The following FSTL4 variants were observed in gnomAD, a reference collection of about 807,000 sequenced individuals.
FSTL4 encodes follistatin like 4.
In FSTL4, 28 loss-of-function variants were observed where a neutral mutation model predicts 78.2. That is an observed-to-expected ratio of 0.36 (90% CI 0.27 to 0.49). The LOEUF is 0.49. Among genes scored for constraint, FSTL4 ranks in the 20% least tolerant of loss-of-function variants. The probability of loss-of-function intolerance (pLI) is 0.98; values close to 1 mark genes in which losing one functional copy is unlikely to be tolerated. For missense variants in FSTL4, 922 were observed against 1,084.9 expected, an observed-to-expected ratio of 0.85 and a Z score of 2.11; for synonymous variants, 422 against 440.5, an observed-to-expected ratio of 0.96 and a Z score of 0.53.
At chr5:133,229,370 A>G (rs1322350051) in intron 8 of FSTL4, among the ~76,000 whole-genome samples, 2 of 152,046 alleles carry the variant, frequency 1.3e-5, no homozygotes, top group African/African-American at 4.8e-5. Flanking sequence ...AAAAATACAA[A>G]AAATTAGCCA....
chr5:133,216,973 A>T (rs1360241265), intron 13 of FSTL4, among the ~76,000 whole-genome samples: 1 of 152,140 alleles, frequency 6.6e-6, no homozygotes, highest in African/African-American at 2.4e-5. Context: ...CATAGTCCTT[A>T]TTACTTATAG....
chr5:133,717,609 T>C, the FSTL4 span, among the ~76,000 whole-genome samples: 1 of 152,212 alleles, frequency 6.6e-6, no homozygotes, highest in Non-Finnish European at 1.5e-5. Context: ...CAAACAATAA[T>C]CTGCTTTCTG....
intron 3 of FSTL4, among the ~76,000 whole-genome samples, chr5:133,449,227 C>A (rs73280180): frequency 0.031 from 4,729 of 152,254 alleles, 245 homozygotes; most frequent in African/African-American, 0.11. Flanking sequence ...CCCCTTCGCG[C>A]CTCACCTTGA....
chr5:133,400,359 A>G lies in FSTL4; in HGVS notation c.409+379T>C, dbSNP rs115755340. ...CCTGACCACATTCTATGCACAGCAC[A>G]GCCTCCTGATTCATGGGACTCTGTG... On this transcript the variant is annotated intron_variant, in intron 4 of 15. Transcript: ENST00000265342. 3.8e-3 allele frequency among the ~76,000 whole-genome samples: 574 copies of G among 152,290 alleles called. 1 individual carries two copies. The highest frequency in any genetic ancestry group is 6.1e-3 in the Non-Finnish European group (414 of 68,028).
chr5:133,706,014 G>A, the FSTL4 span, among the ~76,000 whole-genome samples: 2 of 152,158 alleles, frequency 1.3e-5, no homozygotes, highest in Non-Finnish European at 1.5e-5. Context: ...ACAATACATG[G>A]GCTGAGTGCA....
chr5:133,445,780 G>A (rs906965127), intron 3 of FSTL4, among the ~76,000 whole-genome samples: 4 of 152,074 alleles, frequency 2.6e-5, no homozygotes, highest in Admixed American at 6.5e-5. Flanking sequence ...ATTTAACAGA[G>A]AGAAATTCTT....
At position 133,554,207 on chromosome 5, in the gene FSTL4, C is replaced by T. The variant is rs139607677; in HGVS notation, c.160+12979G>A. Among the ~76,000 whole-genome samples, 794 of 152,256 alleles carry T rather than the reference C, an allele frequency of 5.2e-3. 9 individuals are homozygous for T. Among genetic ancestry groups the T allele is most frequent in the African/African-American group, 0.017 (710 of 41,554 alleles). ...GGCTGCTTGGTGGACAGAGTGCAGT[C>T]GTGAAGACTGGCTACGCAGCTGACC... On this transcript the variant is annotated intron_variant, in intron 3 of 15. Transcript: ENST00000265342.
intron 3 of FSTL4, among the ~76,000 whole-genome samples, chr5:133,456,380 T>C (rs925004229): frequency 6.6e-6 from 1 of 152,262 alleles, no homozygotes. Flanking sequence ...CTTTTTGCTT[T>C]AGCTTTGATG....
upstream of FSTL4, among the ~76,000 whole-genome samples, chr5:133,615,066 G>A (rs1761174046): frequency 6.6e-6 from 1 of 152,170 alleles, no homozygotes; most frequent in Non-Finnish European, 1.5e-5. Flanking sequence ...CTGCATATCA[G>A]GATACTCAGA....
At chr5:133,395,498 C>T (rs546013810) in intron 4 of FSTL4, among the ~76,000 whole-genome samples, 41 of 152,326 alleles carry the variant, frequency 2.7e-4, no homozygotes, top group African/African-American at 8.9e-4. Flanking sequence ...ACTCACCGCG[C>T]GGGTCCGCGG....
intron 6 of FSTL4, among the ~76,000 whole-genome samples, chr5:133,277,312 C>CA (rs11403305): frequency 0.29 from 42,019 of 142,966 alleles, 7,254 homozygotes; most frequent in East Asian, 0.58. Context: ...GACTCGGTCT[C>CA]AAAAAAAAAA....
chr5:133,582,877 C>A (rs1023368940), intron 2 of FSTL4, among the ~76,000 whole-genome samples: 1 of 152,176 alleles, frequency 6.6e-6, no homozygotes, highest in Non-Finnish European at 1.5e-5. Flanking sequence ...ATGCCCTCCT[C>A]TCCTCACTCA....
intron 4 of FSTL4, among the ~76,000 whole-genome samples, chr5:133,363,426 G>T (rs1755112506): frequency 6.6e-6 from 1 of 152,002 alleles, no homozygotes; most frequent in Non-Finnish European, 1.5e-5. Context: ...CACCCTTAAT[G>T]ACTTTTCTTC....
At chr5:133,441,316 C>T (rs1021752100) in intron 3 of FSTL4, among the ~76,000 whole-genome samples, 1 of 152,180 alleles carries the variant, frequency 6.6e-6, no homozygotes, top group Non-Finnish European at 1.5e-5. Context: ...GAACTCCCAG[C>T]ACTCCTGGCT....
the FSTL4 span, among the ~76,000 whole-genome samples, chr5:133,819,417 G>C: frequency 6.6e-6 from 1 of 152,138 alleles, no homozygotes; most frequent in South Asian, 2.1e-4. Context: ...TGGCTGAGAA[G>C]CATGGAGGTG....
chr5:133,368,478 A>G (rs1755223175), intron 4 of FSTL4, among the ~76,000 whole-genome samples: 1 of 152,192 alleles, frequency 6.6e-6, no homozygotes, highest in African/African-American at 2.4e-5. Flanking sequence ...GCTGTAATAA[A>G]CCATAACCAT....
At chr5:133,484,887 CT>C (rs992172823) in intron 3 of FSTL4, among the ~76,000 whole-genome samples, 1 of 152,192 alleles carries the variant, frequency 6.6e-6, no homozygotes, top group African/African-American at 2.4e-5. Flanking sequence ...CAGCTCAGAG[CT>C]TTCTAAATGT....
At chr5:133,230,793 C>A (rs1751470656) in intron 8 of FSTL4, among the ~76,000 whole-genome samples, 1 of 152,154 alleles carries the variant, frequency 6.6e-6, no homozygotes, top group African/African-American at 2.4e-5. Context: ...TCTGGGGCAT[C>A]CCTCCTCCCC....
At chr5:133,336,353 G>C (rs1393896090) in intron 4 of FSTL4, among the ~76,000 whole-genome samples, 2 of 152,360 alleles carry the variant, frequency 1.3e-5, no homozygotes, top group South Asian at 2.1e-4. Flanking sequence ...TGGAGAAGGG[G>C]GCGAGGCTCG....
Sources: allele counts gnomAD v4.1 joint callset (sites outside exome capture counted in the v4.1 genomes callset), GRCh38; gene constraint gnomAD v4.1.1; transcripts MANE v1.5; gene names NCBI Gene and HGNC (gene_info 2026-07-23, HGNC 2026-07-21).